Variants in DGKH observed in about 807,000 individuals in gnomAD.
DGKH encodes the protein DAG kinase eta.
In DGKH, 90 loss-of-function variants were observed where a neutral mutation model predicts 159.3. The ratio of observed to expected loss-of-function variants is 0.57; its 90% CI spans 0.48 to 0.67. The LOEUF is 0.67. DGKH is among the 30% of genes least tolerant of loss of function. DGKH has a pLI of 0.00. For missense variants in DGKH, 1,181 were observed against 1,506.1 expected (o/e 0.78, Z 3.57); for synonymous variants, 536 against 553.8 (o/e 0.97, Z 0.45).
At chr13:42,098,220 C>T (rs891698439) in intron 1 of DGKH, among the ~76,000 whole-genome samples, 3 of 152,298 alleles carry the variant, frequency 2.0e-5, no homozygotes, top group Admixed American at 1.3e-4. Context: ...GGCACGGTGC[C>T]TCATGCCTGT....
Position 42,158,146 on chromosome 13 carries a change from A to G in DGKH, c.623-1120A>G, listed in dbSNP as rs117246561. Among the ~76,000 whole-genome samples, 434 of 152,338 alleles carry G rather than the reference A, an allele frequency of 2.8e-3. 2 individuals carry two copies. Among genetic ancestry groups the G allele is most frequent in the Non-Finnish European group, 4.6e-3 (312 of 68,024 alleles). On this transcript the variant is annotated intron_variant, in intron 5 of 29. Transcript: ENST00000337343. ...TCATGATACCTGAAGCACTTTGAAC[A>G]TTTGGCTAAAGACATCTTAGTTATT...
Position 42,206,076 on chromosome 13 carries a change from G to T in DGKH, c.2531G>T (p.Gly844Val). 1 of 1,450,082 alleles carries T rather than the reference G, an allele frequency of 6.9e-7. No homozygotes were observed. The allele number at this position is 1,450,082 out of a possible 1,614,324, so 89.8% of individuals were successfully genotyped here. Residue 844 changes from glycine to valine, a missense_variant, in exon 21 of 30, where the codon GGC becomes GTC. This residue lies in a region of DGKH where 335 missense variants were observed against 495.2 expected (regional missense o/e 0.68). Coordinates refer to ENST00000337343, the MANE Select transcript of DGKH (RefSeq NM_178009.5). ...TATATTCCTCTTCCCAGCTTGCAAG[G>T]CATAGCCGTGTTGAACATTCCCAGC... ...GQYIPLPSLQGIAVLNIPSYA... is the reference protein window; with the variant it reads ...GQYIPLPSLQVIAVLNIPSYA...
intron 3 of DGKH, among the ~76,000 whole-genome samples, chr13:42,144,556 G>A (rs748139998): frequency 2.3e-4 from 35 of 152,094 alleles, no homozygotes; most frequent in Middle Eastern, 3.4e-3. Flanking sequence ...GCATGGTGGC[G>A]CGTGCCTGTA....
intron 1 of DGKH, among the ~76,000 whole-genome samples, chr13:42,105,109 A>G (rs1484231492): frequency 6.6e-6 from 1 of 151,986 alleles, no homozygotes; most frequent in Admixed American, 6.6e-5. Context: ...AGAATACCTG[A>G]GATTGGATAA....
intron 1 of DGKH, among the ~76,000 whole-genome samples, chr13:42,074,750 G>T (rs566011155): frequency 9.2e-5 from 14 of 151,970 alleles, no homozygotes; most frequent in Non-Finnish European, 1.6e-4. Flanking sequence ...GACTTACAAA[G>T]ACTAATGAAA....
rs570718811 is a variant in DGKH, at chr13:42,147,113, G to A, written c.385-8178G>A. Among the ~76,000 whole-genome samples the A allele has an allele frequency of 2.0e-5, 3 of 152,310 alleles. No homozygotes were observed. The South Asian group carries it at 6.2e-4, about 32-fold the overall frequency. ...GACTGGAGAGCTGTGTGGCCGAAGG[G>A]AGGGGAGAAGGAGAGGAGGAAGTGA... On this transcript the variant is annotated intron_variant, in intron 3 of 29. Transcript: ENST00000337343.
intron 1 of DGKH, among the ~76,000 whole-genome samples, chr13:42,060,838 C>G (rs1882101682): frequency 6.6e-6 from 1 of 151,952 alleles, no homozygotes; most frequent in Non-Finnish European, 1.5e-5. Context: ...ATAAGAAAAC[C>G]AAAGATTAGA....
Position 42,192,617 on chromosome 13 carries a change from TTC to T in DGKH, c.2035+2094_2035+2095del, listed in dbSNP as rs1375700930. Among the ~76,000 whole-genome samples the T allele has an allele frequency of 2.1e-3, 272 of 127,158 alleles. 1 individual carries two copies. Among genetic ancestry groups the T allele is most frequent in the African/African-American group, 7.2e-3 (257 of 35,732 alleles). 83.4% of individuals were successfully genotyped at this position (127,158 alleles called of 152,430 possible). A position where few individuals can be genotyped will look rare whatever the true frequency, so the allele number is the denominator to read the frequency against. On this transcript the variant is annotated intron_variant, in intron 16 of 29. Transcript: ENST00000337343. ...TCTTCCTCTTCTTCTTCTTCTTCTT[TTC>T]TTTCTTCTTTCTTCTTCTTCTTCCT...
intron 13 of DGKH, among the ~76,000 whole-genome samples, chr13:42,184,317 G>T (rs1445905536): frequency 2.6e-5 from 4 of 152,144 alleles, no homozygotes; most frequent in Admixed American, 2.6e-4. Context: ...TGTAGTATGT[G>T]CATATTTTAC....
At position 42,048,707 on chromosome 13, in the gene DGKH, G is replaced by GC; in HGVS notation, c.-64dup. 2.5e-6 allele frequency: 3 copies of GC among 1,207,522 alleles called. No individual in the cohort carries two copies. The highest frequency in any genetic ancestry group is 3.1e-6 in the Non-Finnish European group (3 of 965,156). 74.8% of individuals were successfully genotyped at this position (1,207,522 alleles called of 1,614,324 possible). A position where few individuals can be genotyped will look rare whatever the true frequency, so the allele number is the denominator to read the frequency against. ...GGGTTCCGGGCTCCGCTCGGGCAGA[G>GC]CCCACCCGCTGACCAACGCCGCCGC... is the stretch of plus-strand genomic sequence containing the variant. On this transcript the variant is annotated 5_prime_UTR_variant, in exon 1 of 30. It removes the in-frame stop codon of an upstream open reading frame in the 5' UTR. Coordinates refer to ENST00000337343, the MANE Select transcript of DGKH (RefSeq NM_178009.5). This position sits in a 1 kb window ranked among gnomAD's most constrained non-coding sequence, Gnocchi z 6.7.
Position 42,064,955 on chromosome 13 carries a change from C to T in DGKH, c.192+15990C>T, listed in dbSNP as rs116009238. ...AGTCCCAGTTTGAGTTCCTATTAGG[C>T]AAGTTATATAACCTCTTCAAACCTT... On this transcript the variant is annotated intron_variant, in intron 1 of 29. Transcript: ENST00000337343. Among the ~76,000 whole-genome samples the T allele has an allele frequency of 3.7e-3, 558 of 152,086 alleles. 10 individuals are homozygous for T. The highest frequency in any genetic ancestry group is 0.013 in the African/African-American group (534 of 41,478).
intron 25 of DGKH, 33 bp downstream of exon 25, chr13:42,214,645 G>T (rs1282976469): frequency 6.2e-7 from 1 of 1,601,144 alleles, no homozygotes; most frequent in Non-Finnish European, 8.5e-7. Flanking sequence ...TCATTCCACA[G>T]ATTCTTTTGG....
intron 1 of DGKH, among the ~76,000 whole-genome samples, chr13:42,091,199 A>T (rs968534846): frequency 1.3e-5 from 2 of 152,232 alleles, no homozygotes. Flanking sequence ...GAACATAGAT[A>T]TGCTCGTAGA....
At position 42,087,084 on chromosome 13, in the gene DGKH, C is replaced by CACACAA. The variant is rs398038514; in HGVS notation, c.192+38119_192+38120insACACAA. Among the ~76,000 whole-genome samples, 3 of 145,426 alleles carry CACACAA rather than the reference C, an allele frequency of 2.1e-5. No individual in the cohort carries two copies. The East Asian group carries it at 6.1e-4, about 29-fold the overall frequency. ...ACACACACACACACACACACACACA[C>CACACAA]CTCAGAACAGAGTAGGCACAACAAT... On this transcript the variant is annotated intron_variant, in intron 1 of 29. Transcript: ENST00000337343.
At chr13:42,252,139 T>C (rs541839899) in intron 29 of DGKH, among the ~76,000 whole-genome samples, 187 of 150,686 alleles carry the variant, frequency 1.2e-3, no homozygotes, top group African/African-American at 3.8e-3. Flanking sequence ...TTTTTTTTTT[T>C]CCCCAATCTG....
In DGKH at chr13:42,166,608, G is replaced by A. The variant is rs745343108; in HGVS notation, c.1052G>A (p.Arg351His). The change falls in exon 9 of 30, where the codon CGT (arginine) becomes CAT (histidine). Residue 351 changes from arginine (R) to histidine (H), a missense_variant. Physicochemically the swap from Arg to His is conservative, Grantham distance 29. Around this residue, in one of 5 missense-constraint regions of DGKH, gnomAD observed 369 missense variants for 519.4 expected, o/e 0.71. Coordinates refer to ENST00000337343, the MANE Select transcript of DGKH (RefSeq NM_178009.5). ...GATAATCAGGGAGTAAAGTTCCTCC[G>A]TCGCTTTAAACAGTTGCTAAATCCG... ...SGDNQGVKFL[R>H]RFKQLLNPAQ... 7.5e-6 allele frequency: 12 copies of A among 1,608,652 alleles called. No homozygotes were observed. Among genetic ancestry groups the A allele is most frequent in the South Asian group, 1.1e-5 (1 of 89,892 alleles).
At chr13:42,115,824 T>G (rs191806973) in intron 1 of DGKH, among the ~76,000 whole-genome samples, 71 of 152,238 alleles carry the variant, frequency 4.7e-4, no homozygotes, top group African/African-American at 1.6e-3. Context: ...CAGAGATAAT[T>G]TTGTCCACAG....
intron 16 of DGKH, among the ~76,000 whole-genome samples, chr13:42,192,692 A>G (rs186362294): frequency 6.6e-6 from 1 of 151,170 alleles, no homozygotes; most frequent in African/African-American, 2.4e-5. Context: ...CCCTTTAATG[A>G]TACCAAAAAC....
At chr13:42,215,548 C>T in intron 25 of DGKH, 27 bp from the exon 26 acceptor site, 1 of 1,537,652 alleles carries the variant, frequency 6.5e-7, no homozygotes, top group Non-Finnish European at 8.9e-7. Flanking sequence ...ATACAGATCA[C>T]ATGTCTTTGA....
Sources: gnomAD v4.1 joint callset for allele counts (sites outside exome capture counted in the v4.1 genomes callset) on GRCh38, gnomAD v4.1.1 for gene constraint, gnomAD v4.1.1 regional missense constraint, Gnocchi (gnomAD v3.1) non-coding constraint, MANE v1.5 for transcripts, NCBI Gene and HGNC (gene_info 2026-07-23, HGNC 2026-07-21) for gene names.